The following HECW2 variants were observed in gnomAD, a reference collection of about 807,000 sequenced individuals.
HECW2 encodes the protein E3 ubiquitin-protein ligase HECW2.
HECW2 carries 61 observed loss-of-function variants against 175.2 expected under a neutral mutation model. That is an observed-to-expected ratio of 0.35 (90% CI 0.28 to 0.43). The LOEUF (loss-of-function observed/expected upper bound fraction) is 0.43, where lower values mean the gene tolerates loss of function less well. Ranked by LOEUF, HECW2 falls within the 20% of genes least tolerant of loss-of-function variation. The pLI, the probability that HECW2 is intolerant of heterozygous loss-of-function variation, is 1.00. For missense variants in HECW2, 1,524 were observed against 2,000.5 expected, an observed-to-expected ratio of 0.76 and a Z score of 4.54; for synonymous variants, 671 against 731.0, an observed-to-expected ratio of 0.92 and a Z score of 1.32.
chr2:196,506,186 C>T (rs1041383028), intron 1 of HECW2, among the ~76,000 whole-genome samples: 3 of 152,078 alleles, frequency 2.0e-5, no homozygotes, highest in Non-Finnish European at 4.4e-5. Context: ...AAGTACTGTA[C>T]AGATCAATAA....
intron 2 of HECW2, among the ~76,000 whole-genome samples, chr2:196,407,755 T>G (rs1695003126): frequency 6.6e-6 from 1 of 152,236 alleles, no homozygotes; most frequent in African/African-American, 2.4e-5. Context: ...AAGACTATAC[T>G]GAAGTTACTT....
chr2:196,520,772 G>C (rs1031409448), intron 1 of HECW2, among the ~76,000 whole-genome samples: 1 of 152,148 alleles, frequency 6.6e-6, no homozygotes, highest in Non-Finnish European at 1.5e-5. Flanking sequence ...CCACAGTTAA[G>C]CAGCATAGCT....
intron 14 of HECW2, among the ~76,000 whole-genome samples, chr2:196,283,739 C>A (rs1427813951): frequency 6.6e-6 from 1 of 152,124 alleles, no homozygotes; most frequent in African/African-American, 2.4e-5. Flanking sequence ...ACAGTCAAAT[C>A]AAATCCCACT....
chr2:196,276,781 T>C (rs11896004), intron 15 of HECW2, among the ~76,000 whole-genome samples: 6,113 of 152,302 alleles, frequency 0.04, 419 homozygotes, highest in African/African-American at 0.14. Flanking sequence ...TATATGAGCT[T>C]CTCATGTGCA....
chr2:196,257,662 G>C, intron 18 of HECW2, 161 bp downstream of exon 18: 1 of 597,742 alleles, frequency 1.7e-6, no homozygotes, highest in Non-Finnish European at 3.0e-6. Flanking sequence ...TGAAGTGAAT[G>C]ATCACTCAAT....
intron 2 of HECW2, among the ~76,000 whole-genome samples, chr2:196,393,277 C>CA (rs1417020639): frequency 1.3e-5 from 2 of 151,884 alleles, no homozygotes; most frequent in South Asian, 2.1e-4. Flanking sequence ...AAAGCAATGG[C>CA]AAAAAAAGCC....
At chr2:196,257,589 C>T in intron 18 of HECW2, 1 of 540,242 alleles carries the variant, frequency 1.9e-6, no homozygotes, top group Non-Finnish European at 3.3e-6. Context: ...TTTCCAATAC[C>T]ATCTCCCTTG....
At chr2:196,365,890 A>T (rs1693730107) in intron 2 of HECW2, among the ~76,000 whole-genome samples, 1 of 152,212 alleles carries the variant, frequency 6.6e-6, no homozygotes, top group Non-Finnish European at 1.5e-5. Flanking sequence ...ACTAGGGGAT[A>T]GATTGAATAA....
At chr2:196,537,760 C>G (rs1689068162) in intron 1 of HECW2, among the ~76,000 whole-genome samples, 1 of 152,034 alleles carries the variant, frequency 6.6e-6, no homozygotes, top group Admixed American at 6.5e-5. Context: ...TCCAGATATC[C>G]CGATATCTGG....
intron 19 of HECW2, among the ~76,000 whole-genome samples, chr2:196,252,624 T>C (rs1688901725): frequency 6.6e-6 from 1 of 152,196 alleles, no homozygotes. Context: ...AGAAGTTTCC[T>C]GAGGCCCTCA....
intron 1 of HECW2, among the ~76,000 whole-genome samples, chr2:196,559,097 C>G (rs1275446461): frequency 2.6e-5 from 4 of 152,088 alleles, no homozygotes; most frequent in Non-Finnish European, 5.9e-5. Context: ...GGTTGCAGAA[C>G]TAATAAGCAG....
intron 1 of HECW2, among the ~76,000 whole-genome samples, chr2:196,440,497 C>T (rs1696006536): frequency 6.6e-6 from 1 of 152,080 alleles, no homozygotes; most frequent in South Asian, 2.1e-4. Context: ...TGAAAAAAAT[C>T]AAAGCACTCT....
At chr2:196,586,747 A>AAC (rs1019462424) in intron 1 of HECW2, 2 of 152,002 alleles carry the variant, frequency 1.3e-5, no homozygotes, top group African/African-American at 4.8e-5. Flanking sequence ...AACCAAAAAA[A>AAC]AAAAAACAAA....
chr2:196,212,628 G>A (rs1463829199), intron 28 of HECW2, among the ~76,000 whole-genome samples: 2 of 152,060 alleles, frequency 1.3e-5, no homozygotes, highest in African/African-American at 4.8e-5. Context: ...CTGTGTCTTT[G>A]CTATTGTGAA....
At chr2:196,283,705 C>A (rs1296064517) in intron 14 of HECW2, among the ~76,000 whole-genome samples, 1 of 152,074 alleles carries the variant, frequency 6.6e-6, no homozygotes, top group Non-Finnish European at 1.5e-5. Flanking sequence ...TATGTTAAAA[C>A]GTATATGGGT....
chr2:196,484,020 G>A (rs940660417), intron 1 of HECW2, among the ~76,000 whole-genome samples: 1 of 152,182 alleles, frequency 6.6e-6, no homozygotes, highest in Non-Finnish European at 1.5e-5. Flanking sequence ...GAGGGTCCAG[G>A]CTTTGAAATC....
At chr2:196,446,946 T>TA (rs1446086068) in intron 1 of HECW2, among the ~76,000 whole-genome samples, 3 of 152,166 alleles carry the variant, frequency 2.0e-5, no homozygotes, top group Non-Finnish European at 2.9e-5. Context: ...TGAAGGAACT[T>TA]ACAGTCATAA....
intron 17 of HECW2, among the ~76,000 whole-genome samples, chr2:196,270,783 C>A (rs1003871019): frequency 3.2e-4 from 48 of 152,148 alleles, no homozygotes; most frequent in Admixed American, 3.0e-3. Flanking sequence ...CTCACTGCAA[C>A]CTCCACCTCC....
At chr2:196,308,477 C>A (rs553942358) in intron 10 of HECW2, among the ~76,000 whole-genome samples, 3 of 152,136 alleles carry the variant, frequency 2.0e-5, no homozygotes, top group Non-Finnish European at 4.4e-5. Flanking sequence ...TTCTCCATGT[C>A]TTTTCTAGCT....
Sources: gnomAD v4.1 joint callset for allele counts (sites outside exome capture counted in the v4.1 genomes callset) on GRCh38, gnomAD v4.1.1 for gene constraint, MANE v1.5 for transcripts, NCBI Gene and HGNC (gene_info 2026-07-23, HGNC 2026-07-21) for gene names.